Variants in RYR3 observed in about 807,000 individuals in gnomAD.
The protein encoded by RYR3 is brain ryanodine receptor-calcium release channel.
In RYR3, 207 loss-of-function variants were observed where a neutral mutation model predicts 584.3. The observed-to-expected ratio is 0.35, with a 90% CI of 0.32 to 0.40. RYR3 has a LOEUF of 0.40. Among genes scored for constraint, RYR3 ranks in the 10% least tolerant of loss-of-function variants. The pLI is 1.00. For missense variants in RYR3, 5,616 were observed against 6,089.2 expected, an observed-to-expected ratio of 0.92 and a Z score of 2.59; for synonymous variants, 2,416 against 2,248.5, an observed-to-expected ratio of 1.07 and a Z score of -2.11.
chr15:33,626,075 A>T (rs2060968781), intron 20 of RYR3, among the ~76,000 whole-genome samples: 1 of 152,342 alleles, frequency 6.6e-6, no homozygotes, highest in Non-Finnish European at 1.5e-5. Context: ...GAGTAGAAGC[A>T]TGAGTGTGAC....
chr15:33,467,928 T>C (rs2048615014), intron 1 of RYR3, among the ~76,000 whole-genome samples: 1 of 152,176 alleles, frequency 6.6e-6, no homozygotes, highest in Non-Finnish European at 1.5e-5. Flanking sequence ...TGTGGTTTGA[T>C]CATGTGACAG....
chr15:33,635,504 A>C, intron 25 of RYR3, 110 bp from the exon 26 acceptor site: 2 of 763,342 alleles, frequency 2.6e-6, no homozygotes, highest in Non-Finnish European at 4.5e-6. Context: ...ACCTATGGTC[A>C]GTCTTAGATG....
At chr15:33,441,520 C>A (rs2596239) in intron 1 of RYR3, among the ~76,000 whole-genome samples, 30,309 of 151,968 alleles carry the variant, frequency 0.2, 3,850 homozygotes, top group African/African-American at 0.36. Flanking sequence ...GGCAGATAGT[C>A]ATTTTCTCAT....
intron 2 of RYR3, among the ~76,000 whole-genome samples, chr15:33,481,729 G>T (rs540122314): frequency 6.6e-6 from 1 of 151,112 alleles, no homozygotes; most frequent in Admixed American, 6.6e-5. Flanking sequence ...TGACCCACCC[G>T]CCTCAGTCTC....
At chr15:33,359,134 A>T (rs1275933677) in intron 1 of RYR3, among the ~76,000 whole-genome samples, 1 of 152,176 alleles carries the variant, frequency 6.6e-6, no homozygotes, top group African/African-American at 2.4e-5. Context: ...TGATAGTCTC[A>T]TAACTATTGC....
At chr15:33,794,970 T>G (rs907977696) in intron 67 of RYR3, among the ~76,000 whole-genome samples, 1 of 152,216 alleles carries the variant, frequency 6.6e-6, no homozygotes, top group Non-Finnish European at 1.5e-5. Context: ...TTGCCATGCA[T>G]GCAATCCCAT....
intron 1 of RYR3, among the ~76,000 whole-genome samples, chr15:33,403,717 C>T (rs865862938): frequency 2.6e-5 from 4 of 152,034 alleles, no homozygotes; most frequent in African/African-American, 7.2e-5. Context: ...ATTTTGTCTC[C>T]CATTTGCTTC....
chr15:33,688,458 A>C (rs551398814), intron 38 of RYR3, among the ~76,000 whole-genome samples: 1 of 151,900 alleles, frequency 6.6e-6, no homozygotes, highest in African/African-American at 2.4e-5. Context: ...CTGTAGTCCC[A>C]GCTACTTGGG....
intron 12 of RYR3, among the ~76,000 whole-genome samples, chr15:33,573,025 G>A (rs1290299777): frequency 2.6e-5 from 4 of 151,998 alleles, no homozygotes; most frequent in South Asian, 2.1e-4. Flanking sequence ...TTGATTTTTT[G>A]TATGCCTCTA....
At chr15:33,729,294 C>T (rs1437827539) in intron 47 of RYR3, among the ~76,000 whole-genome samples, 2 of 152,026 alleles carry the variant, frequency 1.3e-5, no homozygotes, top group African/African-American at 4.8e-5. Context: ...CTATCCTGTG[C>T]ATTGTAGAAC....
chr15:33,376,106 T>A (rs2040719991), intron 1 of RYR3, among the ~76,000 whole-genome samples: 1 of 152,190 alleles, frequency 6.6e-6, no homozygotes, highest in African/African-American at 2.4e-5. Context: ...CCCAAGTTTC[T>A]TCTTGTCCCT....
chr15:33,457,324 G>T (rs150168985), intron 1 of RYR3, among the ~76,000 whole-genome samples: 1 of 152,268 alleles, frequency 6.6e-6, no homozygotes, highest in East Asian at 1.9e-4. Flanking sequence ...ATCTACAATA[G>T]CCAAGATATA....
chr15:33,524,650 A>G (rs1251811997), intron 3 of RYR3, among the ~76,000 whole-genome samples: 1 of 152,196 alleles, frequency 6.6e-6, no homozygotes, highest in Non-Finnish European at 1.5e-5. Flanking sequence ...CATCAGCTAA[A>G]TTGCAACTCT....
chr15:33,829,147 A>T lies in RYR3; in HGVS notation c.11335-1816A>T, dbSNP rs142356811. On this transcript the variant is annotated intron_variant, in intron 85 of 103. Transcript: ENST00000634891. The stretch of plus-strand genomic sequence containing the variant: ...CAGCATGATTTACTATTTTAAGCCC[A>T]CTGTTGACACCAACTGCTCAGAAAA... Among the ~76,000 whole-genome samples the T allele has an allele frequency of 4.8e-3, 730 of 151,648 alleles. 5 individuals are homozygous for T. The highest frequency in any genetic ancestry group is 0.017 in the African/African-American group (704 of 41,268).
chr15:33,557,445 C>T (rs1200977141), intron 10 of RYR3, among the ~76,000 whole-genome samples: 5 of 152,112 alleles, frequency 3.3e-5, no homozygotes, highest in Non-Finnish European at 7.3e-5. Flanking sequence ...AGTGCAGTGG[C>T]GCGATCTTGG....
chr15:33,356,128 A>G (rs1371689690), intron 1 of RYR3, among the ~76,000 whole-genome samples: 2 of 152,184 alleles, frequency 1.3e-5, no homozygotes, highest in Non-Finnish European at 2.9e-5. Flanking sequence ...ATCTAAGTGA[A>G]GGAGCAGCAT....
intron 102 of RYR3, 52 bp downstream of exon 102, chr15:33,861,230 C>T: frequency 7.6e-7 from 1 of 1,307,352 alleles, no homozygotes; most frequent in Non-Finnish European, 1.1e-6. Context: ...TAAATAAAGC[C>T]AATTAGGTCA....
In RYR3 at chr15:33,825,631, C is replaced by G; in HGVS notation, c.11101C>G (p.Gln3701Glu). 6.2e-7 allele frequency: 1 copy of G among 1,610,896 alleles called. No homozygotes were observed. Among genetic ancestry groups the G allele is most frequent in the Non-Finnish European group, 8.5e-7 (1 of 1,178,458 alleles). Residue 3701 changes from glutamine (Q) to glutamate (E), a missense_variant, in exon 82 of 104, where the codon CAG (glutamine) becomes GAG (glutamate). This residue lies in a region of RYR3 where 954 missense variants were observed against 1,132.2 expected (regional missense o/e 0.84). Transcript: ENST00000634891. ...SVLDLNAFERQNKAEGLGMVT... is the reference protein window; with the variant it reads ...SVLDLNAFERENKAEGLGMVT... ...CCTTGATTTGAATGCATTTGAGAGG[C>G]AGAATAAAGCTGAAGGCCTGGGGAT... is the stretch of plus-strand genomic sequence containing the variant.
intron 1 of RYR3, among the ~76,000 whole-genome samples, chr15:33,464,919 C>T (rs2048365688): frequency 6.6e-6 from 1 of 152,158 alleles, no homozygotes; most frequent in African/African-American, 2.4e-5. Flanking sequence ...CTCTGACAAC[C>T]ACCATTCTAC....
Sources: gnomAD v4.1 joint callset for allele counts (sites outside exome capture counted in the v4.1 genomes callset) on GRCh38, gnomAD v4.1.1 for gene constraint, gnomAD v4.1.1 regional missense constraint, MANE v1.5 for transcripts, NCBI Gene and HGNC (gene_info 2026-07-23, HGNC 2026-07-21) for gene names.